PHF20: variants seen among roughly 807,000 people sequenced by gnomAD.
PHF20 encodes the protein glioma-expressed antigen 2.
Under a neutral mutation model 113.5 loss-of-function variants are expected in PHF20, and 23 were observed. The observed-to-expected ratio is 0.20, with a 90% CI of 0.15 to 0.29. The LOEUF is 0.29. Ranked by LOEUF, PHF20 falls within the 10% of genes least tolerant of loss-of-function variation. The pLI is 1.00. For synonymous variants in PHF20, 434 were observed against 457.3 expected, an observed-to-expected ratio of 0.95 and a Z score of 0.65; for missense variants, 943 against 1,219.6, an observed-to-expected ratio of 0.77 and a Z score of 3.38.
chr20:35,872,202 C>G (rs2054434824), intron 9 of PHF20, among the ~76,000 whole-genome samples: 1 of 150,386 alleles, frequency 6.6e-6, no homozygotes. Context: ...GTGAAAAGAT[C>G]TTTCTTCCTA....
intron 2 of PHF20, among the ~76,000 whole-genome samples, chr20:35,813,198 C>T (rs2042008061): frequency 6.6e-6 from 1 of 151,910 alleles, no homozygotes; most frequent in Non-Finnish European, 1.5e-5. Context: ...TCTCGATCTC[C>T]TGGCCTCGTG....
chr20:35,845,428 C>T, intron 3 of PHF20: 1 of 392,800 alleles, frequency 2.5e-6, no homozygotes, highest in South Asian at 1.8e-5. Context: ...TGCAGTGGTG[C>T]AGTCTTGGCT....
intron 1 of PHF20, among the ~76,000 whole-genome samples, chr20:35,800,382 G>A (rs547170115): frequency 6.6e-6 from 1 of 151,316 alleles, no homozygotes; most frequent in South Asian, 2.1e-4. Context: ...CCGAGATCAT[G>A]CCATTGCACT....
At position 35,919,150 on chromosome 20, in the gene PHF20, G is replaced by A. The variant is rs192011844; in HGVS notation, c.2004+1488G>A. On this transcript the variant is annotated intron_variant, in intron 13 of 17. Coordinates refer to ENST00000374012, the MANE Select transcript of PHF20 (RefSeq NM_016436.5). ...GCCTGCCTCCACTGCCCGAGTAGCTGGGATTACAGGCATGTGCTACCACGC... is the reference window on the plus strand; with the variant it reads ...GCCTGCCTCCACTGCCCGAGTAGCTAGGATTACAGGCATGTGCTACCACGC... Among the ~76,000 whole-genome samples the A allele has an allele frequency of 3.2e-4, 48 of 151,914 alleles. No individual in the cohort carries two copies. The East Asian group carries it at 8.4e-3, about 26-fold the overall frequency.
intron 15 of PHF20, among the ~76,000 whole-genome samples, chr20:35,931,749 G>C (rs1186174257): frequency 6.6e-6 from 1 of 151,934 alleles, no homozygotes; most frequent in African/African-American, 2.4e-5. Flanking sequence ...TAAGGAGTTC[G>C]AGACCAGCCT....
At chr20:35,792,692 T>C (rs894894216) in intron 1 of PHF20, among the ~76,000 whole-genome samples, 1 of 152,196 alleles carries the variant, frequency 6.6e-6, no homozygotes, top group African/African-American at 2.4e-5. Flanking sequence ...TTATGCACTT[T>C]AGTATATTGG....
intron 2 of PHF20, among the ~76,000 whole-genome samples, chr20:35,832,418 C>G (rs75138042): frequency 6.6e-6 from 1 of 152,142 alleles, no homozygotes; most frequent in Non-Finnish European, 1.5e-5. Flanking sequence ...AGACAGATGC[C>G]TCTAGCAGTG....
At chr20:35,827,513 G>A (rs933678170) in intron 2 of PHF20, among the ~76,000 whole-genome samples, 2 of 151,838 alleles carry the variant, frequency 1.3e-5, no homozygotes, top group Admixed American at 1.3e-4. Flanking sequence ...AGCCGGGTGC[G>A]GTGGCTCACG....
rs200430558 is a variant in PHF20, at chr20:35,787,162, T to A, written c.-32-14329T>A. Among the ~76,000 whole-genome samples, 11 of 2,622 alleles carry A rather than the reference T, an allele frequency of 4.2e-3. No homozygotes were observed. The Non-Finnish European group carries it at 0.065, about 15-fold the overall frequency. The allele number at this position is 2,622 out of a possible 152,430, so 1.7% of individuals were successfully genotyped here. On this transcript the variant is annotated intron_variant, in intron 1 of 17. Coordinates refer to ENST00000374012, the MANE Select transcript of PHF20 (RefSeq NM_016436.5). ...GTGTGTCACTGTGCCTGGCTAATTA[T>A]TTATTTATTTATTTATTTATTTATT...
At chr20:35,911,496 A>G (rs1295917530) in intron 10 of PHF20, among the ~76,000 whole-genome samples, 2 of 152,212 alleles carry the variant, frequency 1.3e-5, no homozygotes, top group Non-Finnish European at 2.9e-5. Flanking sequence ...CTCTATGTGG[A>G]CGTAAGTGAT....
rs892332128 is a variant in PHF20, at chr20:35,801,566, T to C, written c.44T>C (p.Val15Ala). 6.2e-7 allele frequency: 1 copy of C among 1,613,982 alleles called. No individual in the cohort carries two copies. Among genetic ancestry groups the C allele is most frequent in the African/African-American group, 1.3e-5 (1 of 75,056 alleles). Residue 15 changes from valine (V) to alanine (A), a missense_variant, in exon 2 of 18, where the codon GTG becomes GCG. This residue lies in a region of PHF20 where 592 missense variants were observed against 787.2 expected (regional missense o/e 0.75). Coordinates refer to ENST00000374012, the MANE Select transcript of PHF20 (RefSeq NM_016436.5). ...PPNRRGISFE[V>A]GAQLEARDRL... is the part of the protein sequence containing the mutation. ...AACAGACGAGGAATCAGCTTTGAAG[T>C]GGGAGCCCAGTTGGAAGCCCGGGAC...
At chr20:35,885,467 CTT>C (rs577878410) in intron 9 of PHF20, among the ~76,000 whole-genome samples, 62 of 35,704 alleles carry the variant, frequency 1.7e-3, no homozygotes, top group African/African-American at 6.5e-3. Flanking sequence ...GGGGAATAAG[CTT>C]TTTTTTTTTT....
intron 10 of PHF20, among the ~76,000 whole-genome samples, chr20:35,912,498 A>G (rs1386184772): frequency 6.6e-6 from 1 of 152,160 alleles, no homozygotes; most frequent in Non-Finnish European, 1.5e-5. Context: ...TTTATGTTAT[A>G]TGAATGGTAC....
rs910835847 is a variant in PHF20 at position 35,950,332 on chromosome 20, A to G, written c.*2705A>G. Reference sequence around the variant, plus strand: ...ATTTGCAAAACACGCAGACTTCTGTATCTGTATTTGGAAAAAATAAAACAG... The same window carrying G: ...ATTTGCAAAACACGCAGACTTCTGTGTCTGTATTTGGAAAAAATAAAACAG... On this transcript the variant is annotated 3_prime_UTR_variant, in exon 18 of 18. Coordinates refer to ENST00000374012, the MANE Select transcript of PHF20 (RefSeq NM_016436.5). 1.3e-5 allele frequency: 2 copies of G among 152,672 alleles called. No homozygotes were observed. Among genetic ancestry groups the G allele is most frequent in the African/African-American group, 4.8e-5 (2 of 41,472 alleles). 9.5% of individuals were successfully genotyped at this position (152,672 alleles called of 1,614,324 possible). A position where few individuals can be genotyped will look rare whatever the true frequency, so the allele number is the denominator to read the frequency against.
intron 15 of PHF20, among the ~76,000 whole-genome samples, chr20:35,932,897 C>T (rs1442468378): frequency 2.6e-5 from 4 of 152,162 alleles, no homozygotes; most frequent in African/African-American, 7.2e-5. Flanking sequence ...CTTTCTGCCT[C>T]TCTGAATTTG....
At chr20:35,929,934 G>T (rs1027415785) in intron 14 of PHF20, among the ~76,000 whole-genome samples, 3 of 152,236 alleles carry the variant, frequency 2.0e-5, no homozygotes, top group African/African-American at 7.2e-5. Context: ...GTAGCTCAAA[G>T]ACCTTAATAG....
intron 10 of PHF20, among the ~76,000 whole-genome samples, chr20:35,911,166 C>T (rs1366003430): frequency 6.6e-6 from 1 of 151,946 alleles, no homozygotes. Flanking sequence ...TCAGCCTCCC[C>T]AGTAGCTGGG....
At chr20:35,807,774 T>A (rs992458308) in intron 2 of PHF20, among the ~76,000 whole-genome samples, 1 of 152,192 alleles carries the variant, frequency 6.6e-6, no homozygotes, top group African/African-American at 2.4e-5. Context: ...TAAAAAAGAT[T>A]TATGACATTT....
chr20:35,784,667 C>T (rs2041373259), intron 1 of PHF20, among the ~76,000 whole-genome samples: 1 of 151,892 alleles, frequency 6.6e-6, no homozygotes, highest in Non-Finnish European at 1.5e-5. Context: ...GAACTCCTGA[C>T]CTCAGGTGAT....
Sources: gnomAD v4.1 joint callset for allele counts (sites outside exome capture counted in the v4.1 genomes callset) on GRCh38, gnomAD v4.1.1 for gene constraint, gnomAD v4.1.1 regional missense constraint, MANE v1.5 for transcripts, NCBI Gene and HGNC (gene_info 2026-07-23, HGNC 2026-07-21) for gene names.